Variants in STRBP observed in about 807,000 individuals in gnomAD.
The protein encoded by STRBP is spermatid perinuclear RNA binding protein, also known as spermatid perinuclear RNA-binding protein.
A neutral mutation model predicts 80.1 loss-of-function variants in STRBP; 13 were observed. The observed-to-expected ratio is 0.16, with a 90% CI of 0.11 to 0.26. The LOEUF (loss-of-function observed/expected upper bound fraction) is 0.26, where lower values mean the gene tolerates loss of function less well. STRBP is among the 10% of genes least tolerant of loss of function. STRBP has a pLI of 1.00. For missense variants in STRBP, 485 were observed against 815.2 expected (o/e 0.59, Z 4.93); for synonymous variants, 284 against 291.2 (o/e 0.98, Z 0.25).
chr9:123,180,713 T>C (rs1342277521), intron 3 of STRBP, among the ~76,000 whole-genome samples: 19 of 152,070 alleles, frequency 1.2e-4, no homozygotes, highest in Admixed American at 7.2e-4. Flanking sequence ...CACTCATGAG[T>C]CACACATCCA....
At chr9:123,147,697 A>C in intron 12 of STRBP, 81 bp downstream of exon 12, 3 of 1,144,546 alleles carry the variant, frequency 2.6e-6, no homozygotes, top group African/African-American at 1.6e-5. Context: ...AAAAAAAAAA[A>C]AACCCTTCAC....
chr9:123,244,175 T>C (rs2040753917), intron 1 of STRBP, among the ~76,000 whole-genome samples: 1 of 152,174 alleles, frequency 6.6e-6, no homozygotes. Flanking sequence ...AAACCTTAAA[T>C]GCATATAGCC....
chr9:123,245,247 T>C (rs1013515549), intron 1 of STRBP, among the ~76,000 whole-genome samples: 1 of 152,176 alleles, frequency 6.6e-6, no homozygotes, highest in African/African-American at 2.4e-5. Context: ...GGCTAACAAA[T>C]TTCCCAGAGC....
intron 2 of STRBP, among the ~76,000 whole-genome samples, chr9:123,227,868 A>G (rs2132571340): frequency 6.6e-6 from 1 of 152,198 alleles, no homozygotes; most frequent in South Asian, 2.1e-4. Context: ...CTGATCTGAC[A>G]TATTTCTAAA....
rs190949593 is a variant in STRBP, at chr9:123,168,113, T to A, written c.535+1789A>T. 2.8e-4 allele frequency: 166 copies of A among 601,366 alleles called. No homozygotes were observed. The African/African-American group carries it at 3.0e-3, about 11-fold the overall frequency. The allele number at this position is 601,366 out of a possible 1,614,324, so 37.3% of individuals were successfully genotyped here. A position where few individuals can be genotyped will look rare whatever the true frequency, so the allele number is the denominator to read the frequency against. On this transcript the variant is annotated intron_variant, in intron 6 of 18. Transcript: ENST00000348403. ...CATCTCCTTATACTCAAATAATTTT[T>A]AATAATACCTATAATTACAACACTA...
rs903287706 is a variant in STRBP, at chr9:123,125,322, G to T, written c.*275C>A. ...ATACGTCTCTTAAAACTTAAACTTT[G>T]AACTGCTAGACTTTTATTTCCCTAG... is the stretch of plus-strand genomic sequence containing the variant. On this transcript the variant is annotated 3_prime_UTR_variant, in exon 19 of 19. Transcript: ENST00000348403. The T allele has an allele frequency of 1.8e-4, 196 of 1,113,430 alleles. No homozygotes were observed. Among genetic ancestry groups the T allele is most frequent in the Non-Finnish European group, 2.0e-4 (187 of 913,438 alleles). The allele number at this position is 1,113,430 out of a possible 1,614,324, so 69.0% of individuals were successfully genotyped here.
At chr9:123,116,847 C>T (rs560929275), downstream of STRBP, among the ~76,000 whole-genome samples, 1 of 152,302 alleles carries the variant, frequency 6.6e-6, no homozygotes, top group Non-Finnish European at 1.5e-5. Context: ...TCTATTTCCT[C>T]ATCTGTAAAA....
At chr9:123,231,482 T>C (rs899747804) in intron 2 of STRBP, among the ~76,000 whole-genome samples, 1 of 152,226 alleles carries the variant, frequency 6.6e-6, no homozygotes. Flanking sequence ...CTCATAGTTA[T>C]CAGCCAAATC....
At chr9:123,139,817 G>A (rs866188808) in intron 13 of STRBP, 130 bp from the exon 14 acceptor site, 3 of 876,576 alleles carry the variant, frequency 3.4e-6, no homozygotes, top group Middle Eastern at 2.4e-4. Context: ...AGAGCAAGAT[G>A]GTACTAAATC....
chr9:123,253,664 C>A (rs758880689), intron 1 of STRBP, among the ~76,000 whole-genome samples: 2 of 152,200 alleles, frequency 1.3e-5, no homozygotes, highest in African/African-American at 2.4e-5. Context: ...ATATGCACAA[C>A]GCATGCCTGC....
At chr9:123,116,140 A>G in intron 2 of STRBP, 1 of 455,404 alleles carries the variant, frequency 2.2e-6, no homozygotes, top group Non-Finnish European at 4.4e-6. Context: ...GACTTCCGAG[A>G]AGTCTCATGA....
At chr9:123,238,288 A>C (rs945174287) in intron 1 of STRBP, among the ~76,000 whole-genome samples, 4 of 152,260 alleles carry the variant, frequency 2.6e-5, no homozygotes, top group African/African-American at 9.6e-5. Context: ...ATTTCTAAAA[A>C]ATACAATCAA....
intron 18 of STRBP, 31 bp from the exon 19 acceptor site, chr9:123,125,704 A>G: frequency 6.6e-7 from 1 of 1,522,362 alleles, no homozygotes; most frequent in East Asian, 2.3e-5. Context: ...GAGGACTCCA[A>G]ATAAGTTTTA....
Position 123,258,610 on chromosome 9 carries a change from T to C in STRBP, c.-302+9826A>G, listed in dbSNP as rs535804312. On this transcript the variant is annotated intron_variant, in intron 1 of 18. Transcript: ENST00000348403. ...CGAGGTCAGGAAATCGAGACCATCCTGGCTAACACAGTGAAACCCTGTCTC... is the reference window on the plus strand; with the variant it reads ...CGAGGTCAGGAAATCGAGACCATCCCGGCTAACACAGTGAAACCCTGTCTC... 1.1e-4 allele frequency among the ~76,000 whole-genome samples: 17 copies of C among 152,186 alleles called. No homozygotes were observed. In the East Asian group the frequency reaches 1.2e-3, roughly 10 times the overall value.
intron 7 of STRBP, 75 bp from the exon 8 acceptor site, chr9:123,160,537 A>C: frequency 8.9e-7 from 1 of 1,123,374 alleles, no homozygotes; most frequent in East Asian, 2.8e-5. Flanking sequence ...TTTCAAGTGA[A>C]TACTAAGTAG....
intron 5 of STRBP, 96 bp from the exon 6 acceptor site, chr9:123,170,142 T>C: frequency 4.1e-6 from 5 of 1,221,052 alleles, no homozygotes; most frequent in Non-Finnish European, 5.6e-6. Flanking sequence ...CGAATGTTAC[T>C]ATTAATATTA....
At chr9:123,151,862 C>G (rs1277286925) in intron 11 of STRBP, among the ~76,000 whole-genome samples, 1 of 151,890 alleles carries the variant, frequency 6.6e-6, no homozygotes, top group Non-Finnish European at 1.5e-5. Flanking sequence ...TACAAACATG[C>G]AACAGAAGAC....
At chr9:123,112,329 C>G (rs977299886) in intron 3 of STRBP, 1 of 167,242 alleles carries the variant, frequency 6.0e-6, no homozygotes, top group Admixed American at 6.5e-5. Flanking sequence ...TCGCCTGCCC[C>G]GCGGGGCTGC....
At chr9:123,161,343 A>T (rs1163126118) in intron 6 of STRBP, among the ~76,000 whole-genome samples, 1 of 152,236 alleles carries the variant, frequency 6.6e-6, no homozygotes, top group African/African-American at 2.4e-5. Flanking sequence ...CTGCTACTTA[A>T]AATCTGGGAT....
Sources: allele counts gnomAD v4.1 joint callset (sites outside exome capture counted in the v4.1 genomes callset), GRCh38; gene constraint gnomAD v4.1.1; transcripts MANE v1.5; gene names NCBI Gene and HGNC (gene_info 2026-07-23, HGNC 2026-07-21).